PRKCQ: variants seen among roughly 807,000 people sequenced by gnomAD.
PRKCQ encodes protein kinase C theta type.
In PRKCQ, 41 loss-of-function variants were observed where a neutral mutation model predicts 91.2. That is an observed-to-expected ratio of 0.45 (90% CI 0.35 to 0.58). PRKCQ has a LOEUF of 0.58. PRKCQ is among the 20% of genes least tolerant of loss of function. The pLI, the probability that PRKCQ is intolerant of heterozygous loss-of-function variation, is 0.00. For missense variants in PRKCQ, 673 were observed against 896.5 expected, an observed-to-expected ratio of 0.75 and a Z score of 3.18; for synonymous variants, 307 against 316.9, an observed-to-expected ratio of 0.97 and a Z score of 0.33.
At chr10:6,457,564 G>C (rs1333304389) in intron 14 of PRKCQ, among the ~76,000 whole-genome samples, 3 of 152,074 alleles carry the variant, frequency 2.0e-5, no homozygotes, top group Non-Finnish European at 4.4e-5. Flanking sequence ...CATGAGATGT[G>C]GCCACTGGGG....
intron 1 of PRKCQ, among the ~76,000 whole-genome samples, chr10:6,521,953 A>ATTTATTTT (rs1554778612): frequency 5.3e-5 from 8 of 151,438 alleles, no homozygotes; most frequent in Non-Finnish European, 7.4e-5. Context: ...TTATTTATTT[A>ATTTATTTT]TTTTTTTGAG....
chr10:6,499,150 C>T (rs1837773571), intron 4 of PRKCQ, among the ~76,000 whole-genome samples: 1 of 152,156 alleles, frequency 6.6e-6, no homozygotes, highest in South Asian at 2.1e-4. Flanking sequence ...TGATCAGACA[C>T]ACCAGCTGCC....
chr10:6,407,477 G>T, the PRKCQ span, among the ~76,000 whole-genome samples: 1 of 141,440 alleles, frequency 7.1e-6, no homozygotes, highest in African/African-American at 2.5e-5. This position sits in a 1 kb window ranked among gnomAD's most constrained non-coding sequence, Gnocchi z 4.0. Flanking sequence ...TTCAGTGTGT[G>T]TGTGTGTGTG....
chr10:6,432,912 C>T (rs1252488914), intron 16 of PRKCQ, among the ~76,000 whole-genome samples: 1 of 152,166 alleles, frequency 6.6e-6, no homozygotes, highest in Non-Finnish European at 1.5e-5. Flanking sequence ...CTTCCCTCCC[C>T]TCATCTTTAA....
chr10:6,517,588 CTTTTTTTTTT>C (rs56306878), intron 1 of PRKCQ, among the ~76,000 whole-genome samples: 17 of 49,492 alleles, frequency 3.4e-4, no homozygotes, highest in South Asian at 2.4e-3. Context: ...AAGATAGCAT[CTTTTTTTTTT>C]TTTTTTTTTT....
chr10:6,470,559 ATT>A (rs1835902877), intron 12 of PRKCQ, among the ~76,000 whole-genome samples: 1 of 152,204 alleles, frequency 6.6e-6, no homozygotes, highest in Non-Finnish European at 1.5e-5. Flanking sequence ...TTTATCAGAT[ATT>A]TCTCTAAGAC....
intron 4 of PRKCQ, among the ~76,000 whole-genome samples, chr10:6,506,215 CTTTT>C (rs1169843875): frequency 1.3e-5 from 2 of 152,080 alleles, no homozygotes; most frequent in South Asian, 2.1e-4. Context: ...TTCTTTCTTT[CTTTT>C]AAAAAAATTT....
At chr10:6,415,689 A>G in the PRKCQ span, among the ~76,000 whole-genome samples, 148,580 of 150,044 alleles carry the variant, frequency 0.99, 73,576 homozygotes, top group East Asian at 1. Context: ...TTTGGGTCAA[A>G]TTATAAATGA....
intron 12 of PRKCQ, among the ~76,000 whole-genome samples, chr10:6,468,229 A>G (rs1276328981): frequency 1.3e-5 from 2 of 152,248 alleles, no homozygotes; most frequent in Non-Finnish European, 2.9e-5. Flanking sequence ...ACATTTTGTG[A>G]ATATTCTAGA....
At chr10:6,398,200 C>T in the PRKCQ span, among the ~76,000 whole-genome samples, 8 of 152,126 alleles carry the variant, frequency 5.3e-5, no homozygotes, top group African/African-American at 1.9e-4. Flanking sequence ...AATGTATAGG[C>T]TTATTTATGT....
In PRKCQ at chr10:6,506,791, A is replaced by C. The variant is rs76905630; in HGVS notation, c.379+645T>G. ...AAGTGAATTTACCATCAGTAAGTTT[A>C]CATGTCCATGCTGTGACTTAGGATT... On this transcript the variant is annotated intron_variant, in intron 4 of 17. Coordinates refer to ENST00000263125, the MANE Select transcript of PRKCQ (RefSeq NM_006257.5). 5.9e-3 allele frequency among the ~76,000 whole-genome samples: 898 copies of C among 152,334 alleles called. 2 individuals are homozygous for C. The highest frequency in any genetic ancestry group is 0.01 in the Non-Finnish European group (698 of 68,026).
At chr10:6,397,059 T>C in the PRKCQ span, among the ~76,000 whole-genome samples, 1 of 152,250 alleles carries the variant, frequency 6.6e-6, no homozygotes, top group Admixed American at 6.5e-5. Context: ...ATGTGTTTAA[T>C]GGCCATTTGC....
At chr10:6,549,876 G>C (rs1012232391) in intron 1 of PRKCQ, among the ~76,000 whole-genome samples, 13 of 151,806 alleles carry the variant, frequency 8.6e-5, no homozygotes, top group Admixed American at 5.9e-4. Context: ...TGGTAATCTG[G>C]CCACCTCGGC....
chr10:6,417,541 C>A, the PRKCQ span, among the ~76,000 whole-genome samples: 2 of 152,178 alleles, frequency 1.3e-5, no homozygotes, highest in Non-Finnish European at 2.9e-5. Context: ...GTTCGGAATG[C>A]GTGCGATCTA....
chr10:6,460,955 CCATA>C (rs1213096216), intron 14 of PRKCQ, among the ~76,000 whole-genome samples: 4 of 151,630 alleles, frequency 2.6e-5, no homozygotes, highest in Non-Finnish European at 5.9e-5. Flanking sequence ...CATCCATCAT[CCATA>C]CATCATCCAT....
intron 12 of PRKCQ, among the ~76,000 whole-genome samples, chr10:6,466,147 G>A (rs1417262218): frequency 6.6e-6 from 1 of 151,880 alleles, no homozygotes; most frequent in East Asian, 1.9e-4. Context: ...TTCCAACAGT[G>A]CTTGAGTGAA....
intron 12 of PRKCQ, among the ~76,000 whole-genome samples, chr10:6,472,115 T>A (rs1166038882): frequency 6.6e-6 from 1 of 152,194 alleles, no homozygotes; most frequent in South Asian, 2.1e-4. Context: ...GAGACTATCC[T>A]GGCTAACACG....
chr10:6,444,553 C>T (rs1834147741), intron 15 of PRKCQ, among the ~76,000 whole-genome samples: 1 of 151,932 alleles, frequency 6.6e-6, no homozygotes, highest in African/African-American at 2.4e-5. Context: ...GGGCAAGTTG[C>T]TTTATTAGCC....
intron 16 of PRKCQ, among the ~76,000 whole-genome samples, chr10:6,433,455 C>T (rs1183478023): frequency 1.3e-5 from 2 of 152,152 alleles, no homozygotes; most frequent in African/African-American, 4.8e-5. Flanking sequence ...CAGTAGATGC[C>T]TGCAGAGTAA....
Sources: gnomAD v4.1 joint callset for allele counts (sites outside exome capture counted in the v4.1 genomes callset) on GRCh38, gnomAD v4.1.1 for gene constraint, Gnocchi (gnomAD v3.1) non-coding constraint, MANE v1.5 for transcripts, NCBI Gene and HGNC (gene_info 2026-07-23, HGNC 2026-07-21) for gene names.